The following PAXIP1 variants were observed in gnomAD, a reference collection of about 807,000 sequenced individuals.
PAXIP1 encodes the protein PAX interacting protein 1.
PAXIP1 carries 19 observed loss-of-function variants against 140.6 expected under a neutral mutation model. That is an observed-to-expected ratio of 0.14 (90% CI 0.09 to 0.20). The LOEUF (loss-of-function observed/expected upper bound fraction) is 0.20. Ranked by LOEUF, PAXIP1 falls within the 10% of genes least tolerant of loss-of-function variation. The pLI is 1.00. For synonymous variants in PAXIP1, 442 were observed against 444.6 expected (o/e 0.99, Z 0.07); for missense variants, 920 against 1,208.6 (o/e 0.76, Z 3.54).
intron 1 of PAXIP1, chr7:155,000,283 T>C (rs1355575193): frequency 6.6e-6 from 1 of 152,242 alleles, no homozygotes; most frequent in East Asian, 1.9e-4. Context: ...TCACTGGCCA[T>C]GGGCCACTTT....
chr7:154,960,043 C>A, intron 12 of PAXIP1, 110 bp from the exon 13 acceptor site: 1 of 730,790 alleles, frequency 1.4e-6, no homozygotes. Flanking sequence ...GTTTAGCTGA[C>A]AACACTTAAT....
At chr7:154,977,438 G>A (rs1401100843) in intron 5 of PAXIP1, among the ~76,000 whole-genome samples, 2 of 152,182 alleles carry the variant, frequency 1.3e-5, no homozygotes, top group African/African-American at 2.4e-5. Flanking sequence ...ACACGCAATA[G>A]GGATGCGGGG....
intron 6 of PAXIP1, among the ~76,000 whole-genome samples, chr7:154,971,503 C>T (rs1189810677): frequency 6.6e-6 from 1 of 152,232 alleles, no homozygotes; most frequent in Admixed American, 6.5e-5. Flanking sequence ...ATCGAGATGC[C>T]TCCCAAAACC....
In PAXIP1 at chr7:154,968,696, T is replaced by C. The variant is rs1269755667; in HGVS notation, c.1505A>G (p.His502Arg). The change falls in exon 7 of 21, where the codon CAT (histidine) becomes CGT (arginine). Residue 502 changes from histidine to arginine, a missense_variant. This residue lies in a region of PAXIP1 where 133 missense variants were observed against 88.4 expected (regional missense o/e 1.50). Coordinates refer to ENST00000404141, the MANE Select transcript of PAXIP1 (RefSeq NM_007349.4). ...QQQHALQQQFHQLQQHQLQQQ... is the reference protein window; with the variant it reads ...QQQHALQQQFRQLQQHQLQQQ... ...CTGGAGCTGGTGCTGCTGCAGCTGATGGAACTGCTGCTGCAGGGCATGCTG... is the reference window on the plus strand; with the variant it reads ...CTGGAGCTGGTGCTGCTGCAGCTGACGGAACTGCTGCTGCAGGGCATGCTG... 5.6e-6 allele frequency: 4 copies of C among 716,788 alleles called. No individual in the cohort carries two copies. In the East Asian group the frequency reaches 8.1e-5, roughly 14 times the overall value. The allele number at this position is 716,788 out of a possible 1,614,324, so 44.4% of individuals were successfully genotyped here.
chr7:154,988,781 C>G (rs979984159), intron 4 of PAXIP1, among the ~76,000 whole-genome samples: 16 of 152,188 alleles, frequency 1.1e-4, no homozygotes, highest in African/African-American at 3.9e-4. Flanking sequence ...CTCTGAGTCT[C>G]TGAAACCCAG....
intron 9 of PAXIP1, chr7:154,962,745 C>A: frequency 4.7e-6 from 1 of 214,076 alleles, no homozygotes; most frequent in South Asian, 9.9e-5. Flanking sequence ...ACATGTGTGA[C>A]CACCAAAGTT....
Position 154,956,592 on chromosome 7 carries a change from C to T in PAXIP1, c.2549+632G>A, listed in dbSNP as rs1030270850. ...TTGACTCCTGCTGGCCGACATGACA[C>T]TAAAATGATATGCATCTCAATCTGC... On this transcript the variant is annotated intron_variant, in intron 14 of 20. Transcript: ENST00000404141. The surrounding 1 kb of genome is among the most constrained non-coding windows in gnomAD (Gnocchi z 4.2). 4 of 152,228 alleles carry T rather than the reference C, an allele frequency of 2.6e-5. No individual in the cohort carries two copies. Among genetic ancestry groups the T allele is most frequent in the Non-Finnish European group, 4.4e-5 (3 of 68,066 alleles). 9.4% of individuals were successfully genotyped at this position (152,228 alleles called of 1,614,324 possible).
At chr7:154,949,108 T>C (rs907823554) in intron 16 of PAXIP1, 3 of 152,120 alleles carry the variant, frequency 2.0e-5, no homozygotes, top group Non-Finnish European at 4.4e-5. Flanking sequence ...CCATACAGCA[T>C]AATAAGGCAG....
chr7:154,967,057 C>G lies in PAXIP1; in HGVS notation c.1893+759G>C, dbSNP rs144058064. 8.5e-4 allele frequency among the ~76,000 whole-genome samples: 129 copies of G among 152,338 alleles called. No homozygotes were observed. The East Asian group carries it at 0.013, about 15-fold the overall frequency. Reference sequence around the variant, plus strand: ...TTTCTTAACACATCACCCCACAACACGATGGGTGAAGGTCCTTTCTCAGGC... The same window carrying G: ...TTTCTTAACACATCACCCCACAACAGGATGGGTGAAGGTCCTTTCTCAGGC... On this transcript the variant is annotated intron_variant, in intron 8 of 20. Coordinates refer to ENST00000404141, the MANE Select transcript of PAXIP1 (RefSeq NM_007349.4).
chr7:154,969,096 T>C lies in PAXIP1; in HGVS notation c.1105A>G (p.Asn369Asp). The C allele has an allele frequency of 6.7e-7, 1 of 1,486,866 alleles. No homozygotes were observed. Among genetic ancestry groups the C allele is most frequent in the South Asian group, 1.4e-5 (1 of 72,858 alleles). The allele number at this position is 1,486,866 out of a possible 1,614,324, so 92.1% of individuals were successfully genotyped here. ...ILQTLSAPTKNLEQQVNHSQQ... is the reference protein window; with the variant it reads ...ILQTLSAPTKDLEQQVNHSQQ... ...CTGTGATTCACCTGCTGTTCTAAAT[T>C]TTTCGTAGGTGCTGAAAGAGTCTGT... is the stretch of plus-strand genomic sequence containing the variant. The change falls in exon 7 of 21, where the codon AAT (asparagine) becomes GAT (aspartate). Residue 369 changes from asparagine (N) to aspartate (D), a missense_variant. Physicochemically the swap from Asn to Asp is conservative, Grantham distance 23 (BLOSUM62 1). Around this residue, in one of 5 missense-constraint regions of PAXIP1, gnomAD observed 419 missense variants for 514.7 expected, o/e 0.81. Transcript: ENST00000404141.
rs1226932424 is a variant in PAXIP1, at chr7:154,963,310, G to C, written c.1989+361C>G. Among the ~76,000 whole-genome samples, 1 of 152,048 alleles carries C rather than the reference G, an allele frequency of 6.6e-6. No homozygotes were observed. Among genetic ancestry groups the C allele is most frequent in the Non-Finnish European group, 1.5e-5 (1 of 68,030 alleles). On this transcript the variant is annotated intron_variant, in intron 9 of 20. Coordinates refer to ENST00000404141, the MANE Select transcript of PAXIP1 (RefSeq NM_007349.4). The surrounding 1 kb of genome is among the most constrained non-coding windows in gnomAD (Gnocchi z 4.1). ...CCTGCCTCAGCCTCCTGAGTAGCTG[G>C]GATTAGAGCTGCGCACCACCACACC...
At chr7:155,000,904 C>T (rs1282810708) in intron 1 of PAXIP1, 3 of 152,222 alleles carry the variant, frequency 2.0e-5, no homozygotes, top group African/African-American at 7.2e-5. Flanking sequence ...TACTGAGTGA[C>T]ATTTCAGTGG....
rs747741326 is a variant in PAXIP1, at chr7:154,975,941, C to T, written c.829G>A (p.Ala277Thr). ...TPAEVPQLAA[A>T]KRRLPQGKEP... ...TTTCCCTGAGGCAGCCTGCGTTTTGCTGCAGCTAACTGTGGGACTTCGGCC... is the reference window on the plus strand; with the variant it reads ...TTTCCCTGAGGCAGCCTGCGTTTTGTTGCAGCTAACTGTGGGACTTCGGCC... The change falls in exon 6 of 21, where the codon GCA (alanine) becomes ACA (threonine). Residue 277 changes from alanine to threonine, a missense_variant. Ala to Thr is a moderately conservative substitution (Grantham distance 58). Transcript: ENST00000404141. The T allele has an allele frequency of 1.2e-6, 2 of 1,613,948 alleles. No individual in the cohort carries two copies. The highest frequency in any genetic ancestry group is 2.2e-5 in the East Asian group (1 of 44,880).
chr7:154,945,018 G>A (rs1168371757), intron 20 of PAXIP1: 4 of 137,002 alleles, frequency 2.9e-5, no homozygotes, highest in Admixed American at 7.9e-5. Context: ...ACAGAGTTTC[G>A]CTCTTGTTGC....
rs1808405234 is a variant in PAXIP1, at chr7:154,954,123, A to T, written c.2821+132T>A. On this transcript the variant is annotated intron_variant, in intron 16 of 20. Transcript: ENST00000404141. This position sits in a 1 kb window ranked among gnomAD's most constrained non-coding sequence, Gnocchi z 5.1. Reference sequence around the variant, plus strand: ...AGGAATCACTGGGGATATGAAATAAATTTTTAAATTTAAATGAATAACTAT... The same window carrying T: ...AGGAATCACTGGGGATATGAAATAATTTTTTAAATTTAAATGAATAACTAT... 1.6e-6 allele frequency: 1 copy of T among 625,964 alleles called. No homozygotes were observed. The highest frequency in any genetic ancestry group is 2.4e-6 in the Non-Finnish European group (1 of 414,658). The allele number at this position is 625,964 out of a possible 1,614,324, so 38.8% of individuals were successfully genotyped here. A position where few individuals can be genotyped will look rare whatever the true frequency, so the allele number is the denominator to read the frequency against.
intron 16 of PAXIP1, chr7:154,952,142 A>C (rs1228534909): frequency 6.6e-6 from 1 of 152,196 alleles, no homozygotes; most frequent in Non-Finnish European, 1.5e-5. Flanking sequence ...ACCTTTTTAG[A>C]GTCAAAAAAT....
chr7:154,948,276 T>C (rs574229906), intron 16 of PAXIP1: 87 of 376,552 alleles, frequency 2.3e-4, no homozygotes, highest in African/African-American at 1.7e-3. Context: ...CTGGGTGTGG[T>C]GGTTCATGCC....
intron 1 of PAXIP1, chr7:155,001,863 G>A (rs1193463223): frequency 6.6e-6 from 1 of 152,230 alleles, no homozygotes; most frequent in Non-Finnish European, 1.5e-5. Flanking sequence ...ACCTCAAGAA[G>A]GCCAAGATCA....
Position 154,946,635 on chromosome 7 carries a change from T to G in PAXIP1, c.3057+44A>C, listed in dbSNP as rs758222542. 6.2e-7 allele frequency: 1 copy of G among 1,613,602 alleles called. No homozygotes were observed. On this transcript the variant is annotated intron_variant, in intron 18 of 20. Coordinates refer to ENST00000404141, the MANE Select transcript of PAXIP1 (RefSeq NM_007349.4). This position sits in a 1 kb window ranked among gnomAD's most constrained non-coding sequence, Gnocchi z 4.9. ...CTCAGTGACCGAACGCTGAATGTGA[T>G]ACAGGGCAATGACGGACTCGCTGGC...
Sources: allele counts gnomAD v4.1 joint callset (sites outside exome capture counted in the v4.1 genomes callset), GRCh38; gene constraint gnomAD v4.1.1; regional missense constraint gnomAD v4.1.1; non-coding constraint Gnocchi (gnomAD v3.1); transcripts MANE v1.5; gene names NCBI Gene and HGNC (gene_info 2026-07-23, HGNC 2026-07-21).